TTC39C: variants seen among roughly 807,000 people sequenced by gnomAD.
TTC39C encodes tetratricopeptide repeat protein 39C.
TTC39C carries 33 observed loss-of-function variants against 76.3 expected under a neutral mutation model. The observed-to-expected ratio is 0.43, with a 90% CI of 0.33 to 0.58. The LOEUF is 0.58. TTC39C is among the 20% of genes least tolerant of loss of function. The pLI is 0.04. For missense variants in TTC39C, 595 were observed against 701.4 expected, an observed-to-expected ratio of 0.85 and a Z score of 1.71; for synonymous variants, 254 against 260.6, an observed-to-expected ratio of 0.97 and a Z score of 0.24.
At chr18:24,076,144 T>G (rs2084304863) in intron 4 of TTC39C, among the ~76,000 whole-genome samples, 1 of 152,048 alleles carries the variant, frequency 6.6e-6, no homozygotes, top group African/African-American at 2.4e-5. Flanking sequence ...GCCCGGCTAA[T>G]TTTTTTGTAT....
At chr18:24,125,301 C>A in intron 9 of TTC39C, 126 bp from the exon 10 acceptor site, 1 of 1,226,294 alleles carries the variant, frequency 8.2e-7, no homozygotes. Context: ...AATTGTTATT[C>A]TTAGCTTTGA....
intron 1 of TTC39C, among the ~76,000 whole-genome samples, chr18:24,026,572 A>G (rs576897273): frequency 3.0e-4 from 46 of 152,348 alleles, no homozygotes; most frequent in African/African-American, 1.1e-3. Context: ...ACCCTCAACC[A>G]TGACATCAGT....
At chr18:24,005,859 A>G (rs1211680513) in intron 1 of TTC39C, among the ~76,000 whole-genome samples, 2 of 150,354 alleles carry the variant, frequency 1.3e-5, no homozygotes, top group African/African-American at 4.9e-5. Context: ...AAAAAAAAAC[A>G]AAAAACCCAA....
intron 6 of TTC39C, among the ~76,000 whole-genome samples, chr18:24,083,378 G>A (rs1475612618): frequency 1.3e-5 from 2 of 152,138 alleles, no homozygotes; most frequent in Non-Finnish European, 2.9e-5. Context: ...TTGCTGAGTT[G>A]AAAAATACAA....
At chr18:24,055,408 T>C (rs11873471) in intron 1 of TTC39C, among the ~76,000 whole-genome samples, 257 of 152,366 alleles carry the variant, frequency 1.7e-3, no homozygotes, top group African/African-American at 6.0e-3. Flanking sequence ...TTTTGTTTTA[T>C]TTTTGATAGT....
intron 1 of TTC39C, among the ~76,000 whole-genome samples, chr18:24,004,052 A>G (rs1465049801): frequency 6.6e-6 from 1 of 152,204 alleles, no homozygotes; most frequent in Non-Finnish European, 1.5e-5. Context: ...CACCACACCC[A>G]GCATTTTTTA....
intron 1 of TTC39C, among the ~76,000 whole-genome samples, chr18:24,002,596 G>A (rs554296596): frequency 6.6e-6 from 1 of 152,150 alleles, no homozygotes; most frequent in African/African-American, 2.4e-5. Flanking sequence ...TTTCTGTGTT[G>A]TTCTAATGCT....
intron 1 of TTC39C, among the ~76,000 whole-genome samples, chr18:24,024,650 T>C (rs2083575199): frequency 6.6e-6 from 1 of 152,172 alleles, no homozygotes; most frequent in African/African-American, 2.4e-5. Flanking sequence ...AGACATAGGA[T>C]GTGTGCTGAC....
chr18:24,018,568 C>T (rs564612610), intron 1 of TTC39C, among the ~76,000 whole-genome samples: 5 of 152,184 alleles, frequency 3.3e-5, no homozygotes, highest in African/African-American at 9.6e-5. Flanking sequence ...GGGAGACATA[C>T]GCATGGTCCC....
rs182880218 is a variant in TTC39C at position 24,021,564 on chromosome 18, G to A, written c.167+6526G>A. ...CTTTTTTTTTTTTTTTTTTTTTTCC[G>A]AGACAGAGTCTTGCTCCATTGCCCA... On this transcript the variant is annotated intron_variant, in intron 1 of 13. Transcript: ENST00000317571. Among the ~76,000 whole-genome samples, 922 of 102,440 alleles carry A rather than the reference G, an allele frequency of 9.0e-3. 14 individuals carry two copies. Among genetic ancestry groups the A allele is most frequent in the South Asian group, 0.041 (120 of 2,938 alleles). The allele number at this position is 102,440 out of a possible 152,430, so 67.2% of individuals were successfully genotyped here.
In TTC39C at chr18:24,130,326, C is replaced by G. The variant is rs1330965860; in HGVS notation, c.1532C>G (p.Ala511Gly). 6.4e-7 allele frequency: 1 copy of G among 1,572,768 alleles called. No homozygotes were observed. Among genetic ancestry groups the G allele is most frequent in the Non-Finnish European group, 8.6e-7 (1 of 1,159,190 alleles). The change falls in exon 12 of 14, where the codon GCT becomes GGT. Residue 511 changes from alanine (A) to glycine (G), a missense_variant. Physicochemically the swap from Ala to Gly is moderately conservative, Grantham distance 60. Transcript: ENST00000317571. ...SEDAVQYFQR[A>G]VKDELCRQNN... Reference sequence around the variant, plus strand: ...CATTCCTTTCAGTACTTCCAGCGAGCTGTTAAAGATGAATTGTGTCGTCAG... The same window carrying G: ...CATTCCTTTCAGTACTTCCAGCGAGGTGTTAAAGATGAATTGTGTCGTCAG...
intron 1 of TTC39C, chr18:23,993,045 G>C (rs1695747510): frequency 6.6e-6 from 1 of 152,194 alleles, no homozygotes; most frequent in South Asian, 2.1e-4. Context: ...TGTGGTAAGT[G>C]GCTTAATGAG....
At chr18:24,058,695 A>T (rs1339643204) in intron 1 of TTC39C, among the ~76,000 whole-genome samples, 1 of 152,310 alleles carries the variant, frequency 6.6e-6, no homozygotes, top group East Asian at 1.9e-4. Context: ...AGTTCATAAT[A>T]AAAAAAGTTA....
intron 1 of TTC39C, among the ~76,000 whole-genome samples, chr18:24,019,060 CT>C (rs896075921): frequency 3.1e-4 from 47 of 152,306 alleles, no homozygotes; most frequent in African/African-American, 1.1e-3. Flanking sequence ...ACGTCACCAC[CT>C]TTTTTCTCTT....
chr18:24,046,691 T>C (rs1158483707), intron 1 of TTC39C, among the ~76,000 whole-genome samples: 1 of 151,896 alleles, frequency 6.6e-6, no homozygotes, highest in East Asian at 1.9e-4. Context: ...TGAATGTTTT[T>C]GCATAGAAAT....
intron 1 of TTC39C, among the ~76,000 whole-genome samples, chr18:24,037,068 T>G (rs115259438): frequency 1.3e-5 from 2 of 152,210 alleles, no homozygotes; most frequent in Non-Finnish European, 2.9e-5. Context: ...AGTGCTATGG[T>G]GAATAGCAAT....
chr18:24,032,262 T>C (rs1377254860), intron 1 of TTC39C, among the ~76,000 whole-genome samples: 14 of 152,236 alleles, frequency 9.2e-5, no homozygotes, highest in Non-Finnish European at 2.1e-4. Flanking sequence ...TGGTAATTTA[T>C]TACAACAGCC....
chr18:24,103,214 G>T (rs1248173502), intron 6 of TTC39C, among the ~76,000 whole-genome samples: 1 of 152,208 alleles, frequency 6.6e-6, no homozygotes, highest in Non-Finnish European at 1.5e-5. Flanking sequence ...ATGTGGCGAA[G>T]TACAAAAGTA....
intron 1 of TTC39C, among the ~76,000 whole-genome samples, chr18:24,062,080 G>A (rs2084108613): frequency 1.3e-5 from 2 of 152,196 alleles, no homozygotes; most frequent in South Asian, 4.1e-4. Flanking sequence ...TGGTTTCCTT[G>A]CGTTGTTGCT....
Sources: gnomAD v4.1 joint callset for allele counts (sites outside exome capture counted in the v4.1 genomes callset) on GRCh38, gnomAD v4.1.1 for gene constraint, MANE v1.5 for transcripts, NCBI Gene and HGNC (gene_info 2026-07-23, HGNC 2026-07-21) for gene names.